TBATA: variants seen among roughly 807,000 people sequenced by gnomAD.
TBATA encodes thymus, brain and testes associated, also known as protein TBATA.
A neutral mutation model predicts 38.7 loss-of-function variants in TBATA; 47 were observed. The ratio of observed to expected loss-of-function variants is 1.21; its 90% CI spans 0.96 to 1.55. The LOEUF is 1.55. Ranked by LOEUF, TBATA falls within the 40% of genes most tolerant of loss-of-function variation. The pLI is 0.00. For synonymous variants in TBATA, 183 were observed against 170.5 expected (o/e 1.07, Z -0.57); for missense variants, 436 against 435.6 (o/e 1.00, Z -0.01).
intron 3 of TBATA, 36 bp from the exon 4 acceptor site, chr10:70,782,072 C>T: frequency 6.2e-7 from 1 of 1,605,234 alleles, no homozygotes; most frequent in Non-Finnish European, 8.5e-7. Context: ...CTAATGGAGT[C>T]TCCTCTGGCA....
chr10:70,783,117 G>A (rs1028621930), intron 3 of TBATA, among the ~76,000 whole-genome samples: 3 of 152,186 alleles, frequency 2.0e-5, no homozygotes, highest in African/African-American at 4.8e-5. Flanking sequence ...TCTGGCACCC[G>A]CTCAAGTCTT....
rs1289560968 is a variant in TBATA at position 70,771,416 on chromosome 10, T to A, written c.1019A>T (p.Asn340Ile). 1.8e-5 allele frequency: 29 copies of A among 1,614,040 alleles called. No homozygotes were observed. The highest frequency in any genetic ancestry group is 2.5e-5 in the Non-Finnish European group (29 of 1,180,032). Residue 340 changes from asparagine (N) to isoleucine (I), a missense_variant, in exon 11 of 11, where the codon AAC becomes ATC. Asn to Ile is a moderately radical substitution (Grantham distance 149). Coordinates refer to ENST00000456372, the MANE Select transcript of TBATA (RefSeq NM_001318241.2). Reference sequence around the variant, plus strand: ...CGGCTTCGATGTCTTCTTCTCTGTGTTCTGGCTTGAATGCATCTGGAGGAC... The same window carrying A: ...CGGCTTCGATGTCTTCTTCTCTGTGATCTGGCTTGAATGCATCTGGAGGAC... ...AQVLQMHSSQ[N>I]TEKKTSKPRA...
Position 70,775,255 on chromosome 10 carries a change from A to C in TBATA, c.709T>G (p.Cys237Gly). 1 of 1,614,108 alleles carries C rather than the reference A, an allele frequency of 6.2e-7. No individual in the cohort carries two copies. Among genetic ancestry groups the C allele is most frequent in the Non-Finnish European group, 8.5e-7 (1 of 1,179,960 alleles). The part of the protein sequence containing the change: ...DQELLVLELL[C>G]RILETDLLSA... ...AGCAAGTCTGTTTCCAGGATCCGAC[A>C]CAGGAGCTCCAGGACCTGTGGGCAG... Residue 237 changes from cysteine to glycine, a missense_variant, in exon 8 of 11, where the codon TGT becomes GGT. Physicochemically the swap from Cys to Gly is radical, Grantham distance 159. Transcript: ENST00000456372.
chr10:70,772,065 A>C, intron 10 of TBATA: 1 of 365,684 alleles, frequency 2.7e-6, no homozygotes, highest in Middle Eastern at 5.8e-4. Flanking sequence ...TTCCACCAGC[A>C]CACCAAGAGG....
intron 7 of TBATA, among the ~76,000 whole-genome samples, chr10:70,775,985 G>A (rs957869854): frequency 6.6e-6 from 1 of 152,236 alleles, no homozygotes; most frequent in African/African-American, 2.4e-5. Flanking sequence ...AGATCCAGCT[G>A]TGTCTGGGAT....
rs754775148 is a variant in TBATA at position 70,778,551 on chromosome 10, A to G, written c.507+6T>C. On this transcript the variant is annotated splice_donor_region_variant and intron_variant, in intron 6 of 10. Transcript: ENST00000456372. The stretch of plus-strand genomic sequence containing the variant: ...TCCCAGACTAGCTCCTGTGTTCCGC[A>G]CCCACCTCTTTCTTCTTCAGTTCAT... 8.7e-6 allele frequency: 14 copies of G among 1,613,570 alleles called. No individual in the cohort carries two copies. In the African/African-American group the frequency reaches 1.9e-4, roughly 22 times the overall value.
intron 6 of TBATA, among the ~76,000 whole-genome samples, chr10:70,778,289 G>A (rs996104526): frequency 1.3e-5 from 2 of 152,058 alleles, no homozygotes; most frequent in Non-Finnish European, 2.9e-5. Flanking sequence ...GCTGTGCTAG[G>A]TGCCTCTGCT....
intron 4 of TBATA, among the ~76,000 whole-genome samples, chr10:70,781,135 T>C (rs1844160535): frequency 6.6e-6 from 1 of 152,226 alleles, no homozygotes; most frequent in South Asian, 2.1e-4. Flanking sequence ...TCCTTGCTGC[T>C]GCTCCAACAG....
rs902490064 is a variant in TBATA at position 70,778,832 on chromosome 10, G to A, written c.428-196C>T. ...ATGGGTGGTGGTTGTGGCAGTGGGT[G>A]GGGTGCGGGGGTGGGGCATTGCTTT... On this transcript the variant is annotated intron_variant, in intron 5 of 10. Coordinates refer to ENST00000456372, the MANE Select transcript of TBATA (RefSeq NM_001318241.2). 2.8e-5 allele frequency: 19 copies of A among 669,130 alleles called. No homozygotes were observed. The African/African-American group carries it at 3.4e-4, about 12-fold the overall frequency. 41.4% of individuals were successfully genotyped at this position (669,130 alleles called of 1,614,324 possible).
intron 5 of TBATA, 31 bp downstream of exon 5, chr10:70,779,562 G>A (rs778045919): frequency 8.2e-6 from 12 of 1,457,386 alleles, no homozygotes; most frequent in Non-Finnish European, 1.1e-5. Flanking sequence ...ATGAGCCCCA[G>A]GGTAGAGGGA....
At chr10:70,780,345 C>T (rs1456298034) in intron 4 of TBATA, among the ~76,000 whole-genome samples, 1 of 152,080 alleles carries the variant, frequency 6.6e-6, no homozygotes, top group Non-Finnish European at 1.5e-5. Context: ...ATCGGCCTGG[C>T]AAGGACCTAG....
intron 7 of TBATA, among the ~76,000 whole-genome samples, chr10:70,775,867 C>A (rs1328690638): frequency 6.6e-6 from 1 of 152,236 alleles, no homozygotes; most frequent in East Asian, 1.9e-4. Flanking sequence ...CTCCCTCCTG[C>A]AGAGCTGTGG....
Position 70,783,390 on chromosome 10 carries a change from T to C in TBATA, c.-11A>G, listed in dbSNP as rs1410549410. On this transcript the variant is annotated 5_prime_UTR_variant, in exon 3 of 11. Transcript: ENST00000456372. ...AACATCTGTAGCCATTGTATGCTTT[T>C]TAACAGACTAAAGGCCAGTGCACTT... 1 of 1,614,106 alleles carries C rather than the reference T, an allele frequency of 6.2e-7. No homozygotes were observed. The highest frequency in any genetic ancestry group is 2.2e-5 in the East Asian group (1 of 44,892).
At position 70,779,697 on chromosome 10, in the gene TBATA, G is replaced by A; in HGVS notation, c.323C>T (p.Pro108Leu). The change falls in exon 5 of 11, where the codon CCC becomes CTC. Residue 108 changes from proline (P) to leucine (L), a missense_variant. Transcript: ENST00000456372. ...GGAAAAGACAGTTGACTCAGGCAAG[G>A]GGGCTGGAAAATCCCTGACGACACA... ...PVCVVRDFPAPLPESTVFSGC... is the reference protein window; with the variant it reads ...PVCVVRDFPALLPESTVFSGC... 6.5e-7 allele frequency: 1 copy of A among 1,539,610 alleles called. No homozygotes were observed. The highest frequency in any genetic ancestry group is 1.3e-5 in the South Asian group (1 of 79,508).
intron 3 of TBATA, among the ~76,000 whole-genome samples, chr10:70,783,011 C>G (rs1277093725): frequency 6.6e-6 from 1 of 152,258 alleles, no homozygotes; most frequent in African/African-American, 2.4e-5. Flanking sequence ...ATAAAGCAAA[C>G]CTTCTCTGAA....
At chr10:70,773,489 G>C (rs1165235325) in intron 9 of TBATA, among the ~76,000 whole-genome samples, 1 of 149,480 alleles carries the variant, frequency 6.7e-6, no homozygotes, top group Non-Finnish European at 1.5e-5. Context: ...ACCCCGGCCT[G>C]CTATGTTAGA....
At chr10:70,773,710 A>G (rs1843022042) in intron 9 of TBATA, among the ~76,000 whole-genome samples, 1 of 152,214 alleles carries the variant, frequency 6.6e-6, no homozygotes, top group African/African-American at 2.4e-5. Context: ...ATGGACTAGA[A>G]AAACGTGGAA....
chr10:70,784,447 G>T (rs1844637495), intron 2 of TBATA, among the ~76,000 whole-genome samples, 200 bp downstream of exon 2: 1 of 152,290 alleles, frequency 6.6e-6, no homozygotes. Flanking sequence ...CAAAGTGCTA[G>T]GGATGGGGTT....
chr10:70,781,834 G>T lies in TBATA; in HGVS notation c.244C>A (p.His82Asn). 6.2e-7 allele frequency: 1 copy of T among 1,614,110 alleles called. No homozygotes were observed. The highest frequency in any genetic ancestry group is 8.5e-7 in the Non-Finnish European group (1 of 1,179,922). ...TGGGTCACGTGCTGGGGGTGTGGGT[G>T]GTGCCGGGAGAAGAAGGAGTGGTGA... ...LSHHSFFSRH[H>N]PHPQHVTHIQ... The change falls in exon 4 of 11, where the codon CAC becomes AAC. Residue 82 changes from histidine to asparagine, a missense_variant. Coordinates refer to ENST00000456372, the MANE Select transcript of TBATA (RefSeq NM_001318241.2).
Sources: gnomAD v4.1 joint callset for allele counts (sites outside exome capture counted in the v4.1 genomes callset) on GRCh38, gnomAD v4.1.1 for gene constraint, MANE v1.5 for transcripts, NCBI Gene and HGNC (gene_info 2026-07-23, HGNC 2026-07-21) for gene names.